Variants in PAK1 observed in about 807,000 individuals in gnomAD.
PAK1 encodes the protein serine/threonine-protein kinase PAK 1.
In PAK1, 29 loss-of-function variants were observed where a neutral mutation model predicts 67.4. That is an observed-to-expected ratio of 0.43 (90% CI 0.32 to 0.59). The LOEUF (loss-of-function observed/expected upper bound fraction) is 0.59, where lower values mean the gene tolerates loss of function less well. Among genes scored for constraint, PAK1 ranks in the 20% least tolerant of loss-of-function variants. The pLI is 0.07. For synonymous variants in PAK1, 223 were observed against 237.4 expected, an observed-to-expected ratio of 0.94 and a Z score of 0.56; for missense variants, 337 against 670.7, an observed-to-expected ratio of 0.50 and a Z score of 5.50.
the PAK1 span, among the ~76,000 whole-genome samples, chr11:77,503,768 C>A: frequency 6.6e-6 from 1 of 152,182 alleles, no homozygotes; most frequent in Non-Finnish European, 1.5e-5. Context: ...TGGAGGAACA[C>A]TTGAGCCCAG....
chr11:77,449,405 G>A (rs952544195), intron 1 of PAK1, among the ~76,000 whole-genome samples: 1 of 152,184 alleles, frequency 6.6e-6, no homozygotes, highest in Non-Finnish European at 1.5e-5. Context: ...AATGAAGGAA[G>A]GAAGAGCAGC....
chr11:77,325,290 A>G (rs761983254), intron 14 of PAK1: 42 of 1,613,300 alleles, frequency 2.6e-5, no homozygotes, highest in Non-Finnish European at 3.4e-5. Flanking sequence ...TACACACTTG[A>G]GAGCCAAACA....
chr11:77,513,438 G>A, the PAK1 span, among the ~76,000 whole-genome samples: 2 of 152,030 alleles, frequency 1.3e-5, no homozygotes, highest in Non-Finnish European at 2.9e-5. Flanking sequence ...AGAGGCTGAG[G>A]CAGGCGGATC....
intron 1 of PAK1, among the ~76,000 whole-genome samples, chr11:77,448,749 A>T (rs900456354): frequency 1.3e-5 from 2 of 152,244 alleles, no homozygotes; most frequent in Admixed American, 6.5e-5. Flanking sequence ...ACCAGAAATA[A>T]GATTAGCATG....
chr11:77,334,109 C>T (rs34880271), intron 13 of PAK1, among the ~76,000 whole-genome samples: 36,852 of 150,974 alleles, frequency 0.24, 5,109 homozygotes, highest in Non-Finnish European at 0.31. Context: ...GTGGAGGTTG[C>T]GGTGAGCTGA....
the PAK1 span, among the ~76,000 whole-genome samples, chr11:77,508,134 C>T: frequency 5.3e-5 from 8 of 152,194 alleles, no homozygotes; most frequent in African/African-American, 1.9e-4. Context: ...ACTTCTCTCA[C>T]TGAAAGCTAT....
At chr11:77,341,265 C>T (rs1943557221) in intron 10 of PAK1, among the ~76,000 whole-genome samples, 1 of 152,090 alleles carries the variant, frequency 6.6e-6, no homozygotes, top group Non-Finnish European at 1.5e-5. Context: ...TCCAGCACAG[C>T]AGATGCCAAT....
chr11:77,342,898 T>TTC (rs1373271659), intron 10 of PAK1, among the ~76,000 whole-genome samples: 1 of 151,334 alleles, frequency 6.6e-6, no homozygotes, highest in Non-Finnish European at 1.5e-5. Context: ...TTTTTTTTTT[T>TTC]CAGGTATCGG....
In PAK1 at chr11:77,456,670, G is replaced by C. The variant is rs570108313; in HGVS notation, c.-22+16882C>G. 2.6e-5 allele frequency among the ~76,000 whole-genome samples: 4 copies of C among 152,242 alleles called. No homozygotes were observed. The East Asian group carries it at 7.7e-4, about 29-fold the overall frequency. On this transcript the variant is annotated intron_variant, in intron 1 of 14. Coordinates refer to ENST00000356341, the MANE Select transcript of PAK1 (RefSeq NM_002576.5). ...CTTCTTATGTGCCAAAATTTGCTAA[G>C]TGCTTTACAACTACTACCTCATGTA...
the PAK1 span, among the ~76,000 whole-genome samples, chr11:77,482,404 T>C: frequency 6.6e-6 from 1 of 152,206 alleles, no homozygotes; most frequent in South Asian, 2.1e-4. Flanking sequence ...ATTCTTTTAA[T>C]GATTATCCTT....
intron 1 of PAK1, among the ~76,000 whole-genome samples, chr11:77,418,018 G>A (rs1955063175): frequency 6.6e-6 from 1 of 152,038 alleles, no homozygotes. Flanking sequence ...TTACAGGCGT[G>A]AGCCACTGCG....
At chr11:77,352,410 G>A (rs552559132) in intron 8 of PAK1, among the ~76,000 whole-genome samples, 41 of 152,174 alleles carry the variant, frequency 2.7e-4, no homozygotes, top group Non-Finnish European at 4.6e-4. Flanking sequence ...TTCAGTCAAC[G>A]ATGGACCGCA....
At chr11:77,428,293 G>C (rs1434402979) in intron 1 of PAK1, among the ~76,000 whole-genome samples, 1 of 152,186 alleles carries the variant, frequency 6.6e-6, no homozygotes. Context: ...GCCAGGCGCG[G>C]TGGCTCACAC....
chr11:77,467,784 T>C (rs1592587591), intron 1 of PAK1, among the ~76,000 whole-genome samples: 1 of 152,322 alleles, frequency 6.6e-6, no homozygotes, highest in South Asian at 2.1e-4. Flanking sequence ...TTCTGTAAGT[T>C]AGGTATTATT....
At chr11:77,525,178 C>T in the PAK1 span, among the ~76,000 whole-genome samples, 66 of 145,972 alleles carry the variant, frequency 4.5e-4, no homozygotes, top group Non-Finnish European at 8.5e-4. Context: ...AATCCCACCC[C>T]TATCAAAAAA....
chr11:77,520,439 G>A, the PAK1 span, among the ~76,000 whole-genome samples: 2 of 152,128 alleles, frequency 1.3e-5, no homozygotes, highest in African/African-American at 2.4e-5. Flanking sequence ...ACGAAACAAG[G>A]TGGGGGTAAG....
intron 1 of PAK1, among the ~76,000 whole-genome samples, chr11:77,404,035 C>T (rs186684003): frequency 7.6e-4 from 116 of 152,276 alleles, no homozygotes; most frequent in African/African-American, 2.6e-3. Context: ...CCTTCTACCA[C>T]GGAATAACAC....
At chr11:77,339,938 T>C (rs1377471) in intron 11 of PAK1, among the ~76,000 whole-genome samples, 39,797 of 152,030 alleles carry the variant, frequency 0.26, 5,911 homozygotes, top group South Asian at 0.45. Context: ...TGTCTCTGAA[T>C]ATTCCCTTCA....
chr11:77,478,183 T>A (rs948392104), upstream of PAK1, among the ~76,000 whole-genome samples: 2 of 152,036 alleles, frequency 1.3e-5, no homozygotes, highest in African/African-American at 2.4e-5. Flanking sequence ...GAGTCCAAAC[T>A]ACACTGGTGA....
Sources: gnomAD v4.1 joint callset for allele counts (sites outside exome capture counted in the v4.1 genomes callset) on GRCh38, gnomAD v4.1.1 for gene constraint, MANE v1.5 for transcripts, NCBI Gene and HGNC (gene_info 2026-07-23, HGNC 2026-07-21) for gene names.